EXOC6: variants seen among roughly 807,000 people sequenced by gnomAD.
The protein encoded by EXOC6 is exocyst complex component 6, also known as SEC15-like 1.
Under a neutral mutation model 112.5 loss-of-function variants are expected in EXOC6, and 60 were observed. That is an observed-to-expected ratio of 0.53 (90% confidence interval 0.43 to 0.66). EXOC6 has a LOEUF of 0.66. Ranked by LOEUF, EXOC6 falls within the 30% of genes least tolerant of loss-of-function variation. The pLI is 0.00. For missense variants in EXOC6, 855 were observed against 957.1 expected (o/e 0.89, Z 1.41); for synonymous variants, 295 against 308.0 (o/e 0.96, Z 0.44).
At chr10:92,895,081 C>G (rs1264633030) in intron 4 of EXOC6, 61 bp downstream of exon 4, 3 of 949,136 alleles carry the variant, frequency 3.2e-6, no homozygotes, top group Non-Finnish European at 5.1e-6. Context: ...TTAATAATAG[C>G]AAGTAGTGAT....
At chr10:92,950,275 A>G (rs951542262) in intron 14 of EXOC6, among the ~76,000 whole-genome samples, 1 of 152,194 alleles carries the variant, frequency 6.6e-6, no homozygotes, top group East Asian at 1.9e-4. Flanking sequence ...TAGAAAATAT[A>G]TAAAACTATC....
chr10:93,002,965 C>A (rs902625310), intron 19 of EXOC6, among the ~76,000 whole-genome samples: 3 of 151,988 alleles, frequency 2.0e-5, no homozygotes, highest in African/African-American at 7.3e-5. Context: ...AGCAAGAGAG[C>A]CATAGTCCAA....
chr10:92,975,853 C>T (rs1191130002), intron 18 of EXOC6, among the ~76,000 whole-genome samples: 18 of 141,702 alleles, frequency 1.3e-4, no homozygotes, highest in South Asian at 2.3e-4. Context: ...CGCCTCTGCC[C>T]GGCCGCCCCT....
intron 19 of EXOC6, among the ~76,000 whole-genome samples, chr10:93,010,153 G>GA (rs1426423801): frequency 6.6e-6 from 1 of 152,146 alleles, no homozygotes; most frequent in Non-Finnish European, 1.5e-5. Context: ...ATATCATTAC[G>GA]AATGTCCTCT....
At chr10:92,846,113 T>C (rs945317779), upstream of EXOC6, among the ~76,000 whole-genome samples, 11 of 152,242 alleles carry the variant, frequency 7.2e-5, no homozygotes, top group African/African-American at 2.7e-4. Flanking sequence ...CCATGTTCAC[T>C]TGAATTTCGG....
At chr10:92,913,071 A>G (rs1000032412) in intron 6 of EXOC6, among the ~76,000 whole-genome samples, 9 of 152,192 alleles carry the variant, frequency 5.9e-5, no homozygotes, top group Non-Finnish European at 1.0e-4. Context: ...TTGTCTTTAC[A>G]CAATCCTGCA....
chr10:93,026,449 C>A lies in EXOC6; in HGVS notation c.2169+12182C>A, dbSNP rs529479844. On this transcript the variant is annotated intron_variant, in intron 20 of 21. Coordinates refer to ENST00000260762, the MANE Select transcript of EXOC6 (RefSeq NM_019053.6). Reference sequence around the variant, plus strand: ...CCAGTGGCTGTGTGGTAGTTTTACACTGTGGTTTTAATATACAGGCATACC... The same window carrying A: ...CCAGTGGCTGTGTGGTAGTTTTACAATGTGGTTTTAATATACAGGCATACC... Among the ~76,000 whole-genome samples the A allele has an allele frequency of 5.3e-5, 8 of 152,300 alleles. No homozygotes were observed. The South Asian group carries it at 1.7e-3, about 32-fold the overall frequency.
At chr10:93,030,108 A>G (rs1168174508) in intron 20 of EXOC6, among the ~76,000 whole-genome samples, 1 of 152,158 alleles carries the variant, frequency 6.6e-6, no homozygotes, top group African/African-American at 2.4e-5. Context: ...GGGTTCCTCC[A>G]TGTTGGTCAG....
chr10:93,042,252 AACTC>A (rs1845813791), intron 20 of EXOC6, among the ~76,000 whole-genome samples: 1 of 152,124 alleles, frequency 6.6e-6, no homozygotes, highest in South Asian at 2.1e-4. Flanking sequence ...TCCTTTGATT[AACTC>A]CTTAAGACTC....
intron 18 of EXOC6, among the ~76,000 whole-genome samples, chr10:92,982,835 TTTAGTATCCTTTGTAAA>T (rs1842875199): frequency 6.6e-6 from 1 of 152,194 alleles, no homozygotes; most frequent in Non-Finnish European, 1.5e-5. Context: ...GATGTGCCAA[TTTAGTATCCTTTGTAAA>T]TTATTTTCCC....
rs60863083 is a variant in EXOC6 at position 92,827,474 on chromosome 10, C to CAAAAAAAAAAAAA, written c.-27+550_-27+562dup. Among the ~76,000 whole-genome samples, 27 of 33,210 alleles carry CAAAAAAAAAAAAA rather than the reference C, an allele frequency of 8.1e-4. 5 individuals carry two copies. Among genetic ancestry groups the CAAAAAAAAAAAAA allele is most frequent in the East Asian group, 5.6e-3 (5 of 888 alleles). The allele number at this position is 33,210 out of a possible 152,430, so 21.8% of individuals were successfully genotyped here. On this transcript the variant is annotated intron_variant, in intron 1 of 22. Coordinates refer to the EXOC6 transcript ENST00000671701. ...GGGCGACAGAGTGAGGCCCTGTTGC[C>CAAAAAAAAAAAAA]AAAAAAAAAAAAAAAAAAAAAAAAA...
chr10:92,997,774 G>A (rs1843560446), intron 19 of EXOC6, among the ~76,000 whole-genome samples, 159 bp downstream of exon 19: 2 of 152,134 alleles, frequency 1.3e-5, no homozygotes, highest in Non-Finnish European at 2.9e-5. Flanking sequence ...CCTGAAACAG[G>A]AAGATAAAAA....
At chr10:92,891,688 G>A (rs1849510403) in intron 1 of EXOC6, among the ~76,000 whole-genome samples, 2 of 152,034 alleles carry the variant, frequency 1.3e-5, no homozygotes, top group African/African-American at 4.8e-5. Context: ...CACCATGTTG[G>A]CCAGGCTAGT....
chr10:92,898,654 G>GA lies in EXOC6; in HGVS notation c.413-938dup, dbSNP rs1186019078. 2.0e-5 allele frequency among the ~76,000 whole-genome samples: 3 copies of GA among 151,966 alleles called. No individual in the cohort carries two copies. In the South Asian group the frequency reaches 6.2e-4, roughly 32 times the overall value. On this transcript the variant is annotated intron_variant, in intron 4 of 21. Coordinates refer to ENST00000260762, the MANE Select transcript of EXOC6 (RefSeq NM_019053.6). ...CTCTAATGCTTTGGTTGGAAAATGT[G>GA]AAAAAAATTACATTACAATATAGAG... is the stretch of plus-strand genomic sequence containing the variant.
chr10:92,931,451 C>CAT (rs150630588), intron 9 of EXOC6, among the ~76,000 whole-genome samples: 23,173 of 150,804 alleles, frequency 0.15, 2,934 homozygotes, highest in East Asian at 0.65. Context: ...TATTTTGATA[C>CAT]ATATATATAT....
chr10:93,051,463 G>T lies in EXOC6; in HGVS notation c.2170-5461G>T, dbSNP rs527452369. Among the ~76,000 whole-genome samples the T allele has an allele frequency of 5.9e-5, 9 of 152,238 alleles. No individual in the cohort carries two copies. In the East Asian group the frequency reaches 1.7e-3, roughly 29 times the overall value. ...GCATGAAGGCAGTTAACACCTGAAG[G>T]CAAAAAAGTGAGGTGGCTGGAGGCA... On this transcript the variant is annotated intron_variant, in intron 20 of 21. Coordinates refer to ENST00000260762, the MANE Select transcript of EXOC6 (RefSeq NM_019053.6).
At chr10:92,863,662 C>T (rs564657537) in intron 1 of EXOC6, among the ~76,000 whole-genome samples, 7 of 152,080 alleles carry the variant, frequency 4.6e-5, no homozygotes, top group East Asian at 1.9e-4. Context: ...CCTGTAATCC[C>T]AGCACTTTGG....
chr10:92,924,421 T>C (rs1041626386), intron 8 of EXOC6, among the ~76,000 whole-genome samples: 9 of 152,212 alleles, frequency 5.9e-5, no homozygotes, highest in Non-Finnish European at 5.9e-5. Flanking sequence ...CTGGCTAACT[T>C]TATTTTTTCA....
At chr10:92,826,981 C>T (rs550823748) in intron 1 of EXOC6, among the ~76,000 whole-genome samples, 1 of 152,202 alleles carries the variant, frequency 6.6e-6, no homozygotes, top group Admixed American at 6.5e-5. Flanking sequence ...CAGTCTAGGG[C>T]AGAGGGAGAG....
Sources: allele counts gnomAD v4.1 joint callset (sites outside exome capture counted in the v4.1 genomes callset), GRCh38; gene constraint gnomAD v4.1.1; transcripts MANE v1.5; gene names NCBI Gene and HGNC (gene_info 2026-07-23, HGNC 2026-07-21).